Variants in CDH18 observed in about 807,000 individuals in gnomAD.
CDH18 encodes cadherin 18, also known as cadherin-18.
In CDH18, 31 loss-of-function variants were observed where a neutral mutation model predicts 67.9. That is an observed-to-expected ratio of 0.46 (90% CI 0.34 to 0.62). The LOEUF (loss-of-function observed/expected upper bound fraction) is 0.62, where lower values mean the gene tolerates loss of function less well. Among genes scored for constraint, CDH18 ranks in the 20% least tolerant of loss-of-function variants. The pLI is 0.01. For missense variants in CDH18, 890 were observed against 975.5 expected (o/e 0.91, Z 1.17); for synonymous variants, 362 against 347.2 (o/e 1.04, Z -0.48).
chr5:20,015,234 T>C (rs1390932297), intron 2 of CDH18, among the ~76,000 whole-genome samples: 1 of 152,114 alleles, frequency 6.6e-6, no homozygotes, highest in South Asian at 2.1e-4. Context: ...AAGTTTCCCA[T>C]AGGTCCCACG....
chr5:19,795,132 T>C (rs1776727511), intron 3 of CDH18, among the ~76,000 whole-genome samples: 1 of 152,054 alleles, frequency 6.6e-6, no homozygotes, highest in African/African-American at 2.4e-5. Flanking sequence ...CATGACAGCT[T>C]TGCCAAGGGA....
intron 2 of CDH18, among the ~76,000 whole-genome samples, chr5:20,187,765 T>C (rs1421593266): frequency 6.6e-6 from 1 of 151,878 alleles, no homozygotes; most frequent in East Asian, 1.9e-4. Flanking sequence ...CACCAAATTT[T>C]AATCATTATC....
At chr5:20,434,617 G>C (rs1749029625) in intron 1 of CDH18, among the ~76,000 whole-genome samples, 1 of 151,996 alleles carries the variant, frequency 6.6e-6, no homozygotes, top group Admixed American at 6.6e-5. Context: ...TTTTGGAACT[G>C]TCAAAACAAC....
chr5:20,161,555 A>C (rs1024467311), intron 2 of CDH18, among the ~76,000 whole-genome samples: 2 of 152,152 alleles, frequency 1.3e-5, no homozygotes, highest in Non-Finnish European at 2.9e-5. Context: ...GTAATATCCA[A>C]ATGCAGCATA....
At chr5:19,619,553 A>G (rs1224449741) in intron 5 of CDH18, among the ~76,000 whole-genome samples, 1 of 152,196 alleles carries the variant, frequency 6.6e-6, no homozygotes, top group Non-Finnish European at 1.5e-5. Context: ...GACAGTGCAC[A>G]AATTTAGCTT....
At chr5:19,603,906 TA>T (rs1302746448) in intron 6 of CDH18, among the ~76,000 whole-genome samples, 60 of 151,532 alleles carry the variant, frequency 4.0e-4, no homozygotes, top group African/African-American at 1.4e-3. Flanking sequence ...TTTCTTCAAG[TA>T]GTACTAGAAT....
At chr5:20,195,696 T>G (rs1427750995) in intron 2 of CDH18, among the ~76,000 whole-genome samples, 1 of 152,104 alleles carries the variant, frequency 6.6e-6, no homozygotes, top group African/African-American at 2.4e-5. Context: ...GATATACTTT[T>G]AGATTTTGAT....
chr5:20,457,378 T>G (rs1180294118), intron 1 of CDH18, among the ~76,000 whole-genome samples: 1 of 152,174 alleles, frequency 6.6e-6, no homozygotes, highest in Admixed American at 6.5e-5. Flanking sequence ...ATTGAGTGCT[T>G]TCAGACTTAC....
intron 1 of CDH18, among the ~76,000 whole-genome samples, chr5:20,405,018 T>C (rs1385099028): frequency 1.3e-5 from 2 of 152,030 alleles, no homozygotes; most frequent in Non-Finnish European, 2.9e-5. Context: ...AAATAAATTA[T>C]GTTAATTTAT....
chr5:20,223,950 G>T (rs1215626319), intron 2 of CDH18, among the ~76,000 whole-genome samples: 1 of 151,978 alleles, frequency 6.6e-6, no homozygotes, highest in East Asian at 1.9e-4. Flanking sequence ...GTCATTTCTG[G>T]ATGAGAAATT....
At chr5:20,472,686 A>G (rs1253466933) in intron 1 of CDH18, among the ~76,000 whole-genome samples, 1 of 152,234 alleles carries the variant, frequency 6.6e-6, no homozygotes. Flanking sequence ...CGGGCAGTGT[A>G]TGTATTCAAC....
intron 5 of CDH18, among the ~76,000 whole-genome samples, chr5:19,705,399 T>C (rs545459429): frequency 2.0e-4 from 30 of 152,270 alleles, no homozygotes; most frequent in African/African-American, 6.0e-4. Context: ...ATTAATTGGA[T>C]ACGACCTGCC....
At chr5:20,184,248 A>T (rs1181555098) in intron 2 of CDH18, among the ~76,000 whole-genome samples, 1 of 152,084 alleles carries the variant, frequency 6.6e-6, no homozygotes, top group East Asian at 1.9e-4. Context: ...AGGTAAAACA[A>T]AAAAATAATT....
intron 2 of CDH18, among the ~76,000 whole-genome samples, chr5:19,935,442 C>G (rs1432991500): frequency 6.6e-6 from 1 of 151,142 alleles, no homozygotes; most frequent in East Asian, 1.9e-4. Flanking sequence ...CACACTTTTT[C>G]TATGTTTTGA....
chr5:20,061,646 G>C (rs1441045768), intron 2 of CDH18, among the ~76,000 whole-genome samples: 7 of 152,122 alleles, frequency 4.6e-5, no homozygotes, highest in African/African-American at 9.7e-5. Context: ...AAAAGAATAT[G>C]TATATAAGGT....
At chr5:19,582,233 A>G (rs1392058539) in intron 7 of CDH18, among the ~76,000 whole-genome samples, 1 of 151,962 alleles carries the variant, frequency 6.6e-6, no homozygotes, top group Non-Finnish European at 1.5e-5. Flanking sequence ...ATGTGTATAT[A>G]TGACATAAAT....
At chr5:20,331,083 G>C (rs1442912551) in intron 1 of CDH18, among the ~76,000 whole-genome samples, 1 of 152,176 alleles carries the variant, frequency 6.6e-6, no homozygotes, top group African/African-American at 2.4e-5. Flanking sequence ...ATTTGCATTT[G>C]AGCTAGAGAT....
chr5:19,972,134 A>T (rs1349248023), intron 2 of CDH18, among the ~76,000 whole-genome samples: 1 of 150,836 alleles, frequency 6.6e-6, no homozygotes, highest in Non-Finnish European at 1.5e-5. Flanking sequence ...AACCTGATTC[A>T]TGCTTTAAAT....
chr5:20,154,947 C>T (rs1751409636), intron 2 of CDH18, among the ~76,000 whole-genome samples: 1 of 152,136 alleles, frequency 6.6e-6, no homozygotes, highest in African/African-American at 2.4e-5. Flanking sequence ...GTTCCCACTA[C>T]TTACAATATT....
Sources: allele counts gnomAD v4.1 joint callset (sites outside exome capture counted in the v4.1 genomes callset), GRCh38; gene constraint gnomAD v4.1.1; transcripts MANE v1.5; gene names NCBI Gene and HGNC (gene_info 2026-07-23, HGNC 2026-07-21).